Variants in DLGAP2 observed in about 807,000 individuals in gnomAD.
DLGAP2 encodes disks large-associated protein 2.
In DLGAP2, 26 loss-of-function variants were observed where a neutral mutation model predicts 100.3. The observed-to-expected ratio is 0.26, with a 90% CI of 0.19 to 0.36. The LOEUF is 0.36. Ranked by LOEUF, DLGAP2 falls within the 10% of genes least tolerant of loss-of-function variation. The pLI, the probability that DLGAP2 is intolerant of heterozygous loss-of-function variation, is 1.00. For missense variants in DLGAP2, 1,858 were observed against 1,453.2 expected, an observed-to-expected ratio of 1.28 and a Z score of -4.53; for synonymous variants, 886 against 630.1, an observed-to-expected ratio of 1.41 and a Z score of -6.08.
At chr8:1,170,065 C>G (rs1416097107) in intron 2 of DLGAP2, among the ~76,000 whole-genome samples, 2 of 151,936 alleles carry the variant, frequency 1.3e-5, no homozygotes, top group African/African-American at 2.4e-5. Flanking sequence ...CCATCAATAC[C>G]TAATTTATTG....
At chr8:1,236,056 C>T (rs1352390069) in intron 2 of DLGAP2, among the ~76,000 whole-genome samples, 1 of 77,364 alleles carries the variant, frequency 1.3e-5, no homozygotes, top group Non-Finnish European at 2.4e-5. Context: ...TCTCACATGG[C>T]ACCGTGTCTA....
At chr8:1,503,280 T>C (rs1049819074) in intron 4 of DLGAP2, among the ~76,000 whole-genome samples, 13 of 151,682 alleles carry the variant, frequency 8.6e-5, no homozygotes, top group Non-Finnish European at 1.6e-4. Context: ...CATGAAACAC[T>C]CAGTCCCTTT....
intron 3 of DLGAP2, among the ~76,000 whole-genome samples, chr8:1,468,731 T>C (rs1258851197): frequency 6.6e-6 from 1 of 151,116 alleles, no homozygotes; most frequent in Non-Finnish European, 1.5e-5. Context: ...TTCTCGCCAT[T>C]CTGGATGCCA....
chr8:842,268 C>G (rs188765331), intron 1 of DLGAP2, among the ~76,000 whole-genome samples: 2 of 152,152 alleles, frequency 1.3e-5, no homozygotes, highest in East Asian at 3.8e-4. Flanking sequence ...ACTCCTTGAG[C>G]GATTGTACGT....
intron 3 of DLGAP2, among the ~76,000 whole-genome samples, chr8:1,464,304 C>A (rs1354632067): frequency 1.4e-5 from 1 of 73,554 alleles, no homozygotes; most frequent in South Asian, 5.3e-4. Flanking sequence ...CAGGATGGCA[C>A]CCTTCCAGGA....
intron 2 of DLGAP2, among the ~76,000 whole-genome samples, chr8:979,611 A>T (rs756632946): frequency 2.6e-5 from 4 of 152,192 alleles, no homozygotes; most frequent in Non-Finnish European, 4.4e-5. Context: ...TTATCAGGTA[A>T]AGGGTGATCC....
intron 1 of DLGAP2, among the ~76,000 whole-genome samples, chr8:837,705 A>C (rs1796905333): frequency 6.7e-6 from 1 of 148,416 alleles, no homozygotes; most frequent in African/African-American, 2.5e-5. Flanking sequence ...ATGTATATAT[A>C]AATATATATA....
intron 3 of DLGAP2, among the ~76,000 whole-genome samples, chr8:1,416,060 C>T (rs1468340188): frequency 6.6e-6 from 1 of 152,176 alleles, no homozygotes; most frequent in Non-Finnish European, 1.5e-5. Context: ...ATTTGACAGA[C>T]TTAAAGATGT....
At chr8:1,591,130 A>C (rs1796277159) in intron 6 of DLGAP2, among the ~76,000 whole-genome samples, 1 of 152,162 alleles carries the variant, frequency 6.6e-6, no homozygotes, top group Non-Finnish European at 1.5e-5. Flanking sequence ...CCATGAAGAC[A>C]CCAGCCCTTA....
intron 3 of DLGAP2, among the ~76,000 whole-genome samples, chr8:1,467,045 G>T (rs569141931): frequency 6.9e-6 from 1 of 144,042 alleles, no homozygotes; most frequent in South Asian, 2.1e-4. Context: ...GGATTTTGCC[G>T]GGTGATAAAG....
At chr8:1,249,805 T>A (rs1462773996) in intron 2 of DLGAP2, among the ~76,000 whole-genome samples, 4 of 152,224 alleles carry the variant, frequency 2.6e-5, no homozygotes, top group Non-Finnish European at 5.9e-5. Context: ...GCACATCCGT[T>A]AGGCAGTGAG....
chr8:1,413,995 T>C (rs115791427), intron 3 of DLGAP2, among the ~76,000 whole-genome samples: 1 of 152,054 alleles, frequency 6.6e-6, no homozygotes, highest in South Asian at 2.1e-4. Flanking sequence ...TGAAAGCAAA[T>C]AGTCAAAAAG....
chr8:1,364,809 T>G (rs1748823136), intron 3 of DLGAP2, among the ~76,000 whole-genome samples: 1 of 152,206 alleles, frequency 6.6e-6, no homozygotes, highest in African/African-American at 2.4e-5. Context: ...GCTGTGCATT[T>G]ACGTCGGAGT....
chr8:976,881 T>C (rs1157933624), intron 2 of DLGAP2, among the ~76,000 whole-genome samples: 1 of 152,218 alleles, frequency 6.6e-6, no homozygotes, highest in Non-Finnish European at 1.5e-5. Flanking sequence ...GATTTAGTGA[T>C]GACATTTTAG....
intron 4 of DLGAP2, among the ~76,000 whole-genome samples, chr8:1,544,431 T>A (rs1314659062): frequency 6.6e-6 from 1 of 152,198 alleles, no homozygotes; most frequent in Non-Finnish European, 1.5e-5. Flanking sequence ...CCCTTCAGCA[T>A]TGAGTATGAT....
intron 3 of DLGAP2, among the ~76,000 whole-genome samples, chr8:1,307,128 T>C (rs1800509350): frequency 6.6e-6 from 1 of 152,014 alleles, no homozygotes. Context: ...TATATCAAAA[T>C]TCAAATCATA....
intron 3 of DLGAP2, among the ~76,000 whole-genome samples, chr8:1,434,435 A>C (rs1273830616): frequency 6.6e-6 from 1 of 151,642 alleles, no homozygotes; most frequent in Non-Finnish European, 1.5e-5. Flanking sequence ...CACACCCACC[A>C]CTGGGTCACT....
At chr8:1,308,493 T>G (rs143497687) in intron 3 of DLGAP2, among the ~76,000 whole-genome samples, 1 of 152,310 alleles carries the variant, frequency 6.6e-6, no homozygotes, top group East Asian at 1.9e-4. Flanking sequence ...CAGGAAAGTA[T>G]GGTCCATTCA....
At chr8:772,584 A>G (rs1821394169) in intron 1 of DLGAP2, among the ~76,000 whole-genome samples, 1 of 152,196 alleles carries the variant, frequency 6.6e-6, no homozygotes, top group African/African-American at 2.4e-5. Flanking sequence ...CGGCCTCCCA[A>G]AGTGCTGGGA....
Sources: gnomAD v4.1 joint callset for allele counts (sites outside exome capture counted in the v4.1 genomes callset) on GRCh38, gnomAD v4.1.1 for gene constraint, MANE v1.5 for transcripts, NCBI Gene and HGNC (gene_info 2026-07-23, HGNC 2026-07-21) for gene names.